The following METTL22 variants were observed in gnomAD, a reference collection of about 807,000 sequenced individuals.
METTL22 encodes methyltransferase-like protein 22.
A neutral mutation model predicts 48.4 loss-of-function variants in METTL22; 51 were observed. The observed-to-expected ratio is 1.05, with a 90% CI of 0.84 to 1.33. METTL22 has a LOEUF of 1.33. Ranked by LOEUF, METTL22 falls within the 40% of genes most tolerant of loss-of-function variation. The pLI, the probability that METTL22 is intolerant of heterozygous loss-of-function variation, is 0.00. For synonymous variants in METTL22, 255 were observed against 214.1 expected (o/e 1.19, Z -1.67); for missense variants, 678 against 526.9 (o/e 1.29, Z -2.81).
rs554497874 is a variant in METTL22, at chr16:8,633,976, G to A, written c.515-1063G>A. 3.7e-3 allele frequency among the ~76,000 whole-genome samples: 568 copies of A among 152,298 alleles called. 2 individuals are homozygous for A. The highest frequency in any genetic ancestry group is 0.012 in the African/African-American group (515 of 41,556). On this transcript the variant is annotated intron_variant, in intron 3 of 10. Coordinates refer to ENST00000381920, the MANE Select transcript of METTL22 (RefSeq NM_024109.4). The stretch of plus-strand genomic sequence containing the variant: ...GAAGGAACTTTGCATCAGGTGGTTC[G>A]GCAGGTGTATTTCTGTTCCAGTTTC...
chr16:8,636,494 C>A (rs1486592560), intron 5 of METTL22, among the ~76,000 whole-genome samples: 4 of 138,980 alleles, frequency 2.9e-5, no homozygotes, highest in African/African-American at 5.5e-5. Flanking sequence ...GCACTCCAGT[C>A]TGGGCCACAG....
chr16:8,663,446 G>A, the METTL22 span, among the ~76,000 whole-genome samples: 13 of 152,088 alleles, frequency 8.5e-5, no homozygotes, highest in Admixed American at 6.5e-4. Context: ...TCAAGCTCTC[G>A]AGTGCACCGT....
chr16:8,642,707 C>T (rs1414858352), intron 9 of METTL22, 142 bp downstream of exon 9: 1 of 802,708 alleles, frequency 1.2e-6, no homozygotes, highest in Non-Finnish European at 2.1e-6. Flanking sequence ...GGTCTGTGCT[C>T]ATCCTTTGTG....
chr16:8,637,698 C>G (rs1361288609), intron 5 of METTL22, among the ~76,000 whole-genome samples: 1 of 152,230 alleles, frequency 6.6e-6, no homozygotes, highest in African/African-American at 2.4e-5. Flanking sequence ...TTGCATGGAA[C>G]AGAGCTCCCA....
At chr16:8,630,858 G>A (rs1356800081) in intron 3 of METTL22, among the ~76,000 whole-genome samples, 1 of 152,152 alleles carries the variant, frequency 6.6e-6, no homozygotes, top group East Asian at 1.9e-4. Flanking sequence ...ATGAACCTAG[G>A]TAGTAATTCG....
Position 8,646,151 on chromosome 16 carries a change from C to G in METTL22, c.*8C>G. 6.2e-7 allele frequency: 1 copy of G among 1,614,088 alleles called. No homozygotes were observed. The highest frequency in any genetic ancestry group is 8.5e-7 in the Non-Finnish European group (1 of 1,179,986). On this transcript the variant is annotated 3_prime_UTR_variant, in exon 11 of 11. Coordinates refer to ENST00000381920, the MANE Select transcript of METTL22 (RefSeq NM_024109.4). ...GCAGAACCAGTAACATGACCCATCG[C>G]CTCCACAAGGCGCGGCGTCTCGACT...
the METTL22 span, among the ~76,000 whole-genome samples, chr16:8,665,710 C>T: frequency 7.2e-5 from 11 of 152,192 alleles, no homozygotes; most frequent in African/African-American, 1.4e-4. Context: ...GTGTGCCAGA[C>T]GCTGTGCTGA....
intron 2 of METTL22, among the ~76,000 whole-genome samples, chr16:8,627,838 C>G (rs1392036775): frequency 1.3e-5 from 2 of 152,180 alleles, no homozygotes; most frequent in Non-Finnish European, 2.9e-5. Flanking sequence ...CTCGACCTCC[C>G]CAGGCTCAGG....
At position 8,647,400 on chromosome 16, in the gene METTL22, A is replaced by T. The variant is rs1163734524; in HGVS notation, c.*1257A>T. On this transcript the variant is annotated 3_prime_UTR_variant, in exon 11 of 11. Coordinates refer to ENST00000381920, the MANE Select transcript of METTL22 (RefSeq NM_024109.4). The stretch of plus-strand genomic sequence containing the variant: ...ATGGTCTGGCAAACAGTAGATGCTC[A>T]ACACATATTGTTGAATGAATTGCTA... The T allele has an allele frequency of 6.6e-6, 1 of 152,326 alleles. No homozygotes were observed. The highest frequency in any genetic ancestry group is 1.5e-5 in the Non-Finnish European group (1 of 68,114). 9.4% of individuals were successfully genotyped at this position (152,326 alleles called of 1,614,324 possible). A position where few individuals can be genotyped will look rare whatever the true frequency, so the allele number is the denominator to read the frequency against.
intron 2 of METTL22, among the ~76,000 whole-genome samples, chr16:8,627,802 G>A (rs1363430756): frequency 6.6e-6 from 1 of 152,170 alleles, no homozygotes; most frequent in Non-Finnish European, 1.5e-5. Flanking sequence ...CTGGAGTGCG[G>A]TGGTGCAGTC....
intron 10 of METTL22, among the ~76,000 whole-genome samples, chr16:8,645,523 C>T (rs968527398): frequency 6.6e-5 from 10 of 152,316 alleles, no homozygotes; most frequent in African/African-American, 2.4e-4. Context: ...CACCTGTAAT[C>T]CCAGCACTCT....
chr16:8,644,141 C>T (rs1248201222), intron 9 of METTL22, among the ~76,000 whole-genome samples: 2 of 152,068 alleles, frequency 1.3e-5, no homozygotes, highest in East Asian at 1.9e-4. Flanking sequence ...TCTGTGCTCC[C>T]GGAGTCCTCT....
the METTL22 span, among the ~76,000 whole-genome samples, chr16:8,662,613 C>G: frequency 6.9e-6 from 1 of 144,012 alleles, no homozygotes; most frequent in Admixed American, 7.1e-5. Context: ...TTTCCAGCTT[C>G]AGAGCTCACC....
intron 2 of METTL22, among the ~76,000 whole-genome samples, chr16:8,626,881 C>T (rs2056079494): frequency 6.6e-6 from 1 of 151,164 alleles, no homozygotes; most frequent in Non-Finnish European, 1.5e-5. Flanking sequence ...ATTCTCCTGC[C>T]TCAGCCTCCC....
chr16:8,645,779 A>G, intron 10 of METTL22: 1 of 394,400 alleles, frequency 2.5e-6, no homozygotes, highest in Non-Finnish European at 3.7e-6. Context: ...CTGTCTCTAA[A>G]ATAAAATTGT....
chr16:8,638,992 G>T (rs747568335), intron 5 of METTL22, 99 bp from the exon 6 acceptor site: 5 of 1,163,798 alleles, frequency 4.3e-6, no homozygotes, highest in Non-Finnish European at 6.4e-6. Context: ...TCTAATTTCT[G>T]CAGTTGTGCT....
the METTL22 span, among the ~76,000 whole-genome samples, chr16:8,657,513 G>A: frequency 6.6e-6 from 1 of 152,266 alleles, no homozygotes; most frequent in East Asian, 1.9e-4. Flanking sequence ...AAGGCAGGAA[G>A]ACTTGTCCCC....
In METTL22 at chr16:8,641,117, G is replaced by C. The variant is rs964678992; in HGVS notation, c.773-14G>C. 2 of 1,613,222 alleles carry C rather than the reference G, an allele frequency of 1.2e-6. No individual in the cohort carries two copies. Among genetic ancestry groups the C allele is most frequent in the Non-Finnish European group, 1.7e-6 (2 of 1,179,416 alleles). The stretch of plus-strand genomic sequence containing the variant: ...TTAGAGTTTGGAAAGTTCTCTTTTT[G>C]TTTGTTTTTACAGGTGGTATAGTTA... On this transcript the variant is annotated splice_polypyrimidine_tract_variant and intron_variant, in intron 6 of 10. Coordinates refer to ENST00000381920, the MANE Select transcript of METTL22 (RefSeq NM_024109.4).
chr16:8,624,550 C>A (rs995243121), intron 1 of METTL22, among the ~76,000 whole-genome samples: 4 of 151,880 alleles, frequency 2.6e-5, no homozygotes, highest in African/African-American at 9.7e-5. Context: ...CGCCTAATTC[C>A]ACTCATCTTT....
Sources: gnomAD v4.1 joint callset for allele counts (sites outside exome capture counted in the v4.1 genomes callset) on GRCh38, gnomAD v4.1.1 for gene constraint, MANE v1.5 for transcripts, NCBI Gene and HGNC (gene_info 2026-07-23, HGNC 2026-07-21) for gene names.